The following RCAN2 variants were observed in gnomAD, a reference collection of about 807,000 sequenced individuals.
RCAN2 encodes regulator of calcineurin 2.
In RCAN2, 9 loss-of-function variants were observed where a neutral mutation model predicts 23.6. That is an observed-to-expected ratio of 0.38 (90% CI 0.23 to 0.67). RCAN2 has a LOEUF of 0.67. Ranked by LOEUF, RCAN2 falls within the 30% of genes least tolerant of loss-of-function variation. The pLI, the probability that RCAN2 is intolerant of heterozygous loss-of-function variation, is 0.51. For missense variants in RCAN2, 273 were observed against 302.3 expected (o/e 0.90, Z 0.72); for synonymous variants, 109 against 115.7 (o/e 0.94, Z 0.37).
chr6:46,361,324 G>A lies in RCAN2; in HGVS notation c.225+95428C>T, dbSNP rs1462919696. Among the ~76,000 whole-genome samples, 3 of 152,158 alleles carry A rather than the reference G, an allele frequency of 2.0e-5. No homozygotes were observed. In the East Asian group the frequency reaches 5.8e-4, roughly 29 times the overall value. ...AAGCCCAGCAGAGTAGCTAAAGATG[G>A]AGGAATCTGTAGTCACCTTTGACTC... On this transcript the variant is annotated intron_variant, in intron 2 of 4. Transcript: ENST00000371374.
At chr6:46,490,286 A>G (rs953102980) in intron 1 of RCAN2, among the ~76,000 whole-genome samples, 5 of 152,134 alleles carry the variant, frequency 3.3e-5, no homozygotes, top group Admixed American at 3.3e-4. Flanking sequence ...TATTAAAGGA[A>G]CCCCAGAAAC....
chr6:46,330,167 A>G (rs773630774), intron 2 of RCAN2, among the ~76,000 whole-genome samples: 1 of 152,212 alleles, frequency 6.6e-6, no homozygotes, highest in Admixed American at 6.5e-5. Flanking sequence ...CAAGGGGCCA[A>G]TCTTGCTTCC....
intron 2 of RCAN2, among the ~76,000 whole-genome samples, chr6:46,293,074 A>G (rs1295845828): frequency 6.6e-6 from 1 of 152,144 alleles, no homozygotes; most frequent in East Asian, 1.9e-4. Context: ...TAATGGTTGT[A>G]TAGTATTCCA....
chr6:46,354,354 C>A (rs1475461805), intron 2 of RCAN2, among the ~76,000 whole-genome samples: 3 of 151,916 alleles, frequency 2.0e-5, no homozygotes, highest in Admixed American at 6.6e-5. Context: ...GGAGCTGTGA[C>A]GTGTCCTGAC....
intron 2 of RCAN2, among the ~76,000 whole-genome samples, chr6:46,443,174 A>G (rs2150423856): frequency 6.6e-6 from 1 of 152,328 alleles, no homozygotes; most frequent in South Asian, 2.1e-4. Flanking sequence ...TGAAATTCCT[A>G]AGTATTCCTT....
intron 2 of RCAN2, among the ~76,000 whole-genome samples, chr6:46,338,847 T>C (rs956613345): frequency 1.3e-5 from 2 of 151,546 alleles, no homozygotes; most frequent in South Asian, 4.2e-4. Context: ...GCCCAGTCTC[T>C]AAAAAACATA....
intron 4 of RCAN2, among the ~76,000 whole-genome samples, chr6:46,242,354 A>C (rs1406770272): frequency 1.3e-5 from 2 of 152,156 alleles, no homozygotes; most frequent in African/African-American, 2.4e-5. Context: ...TTTGTTCTCC[A>C]TGAAAGGGTC....
chr6:46,425,199 A>T (rs1053983299), intron 2 of RCAN2, among the ~76,000 whole-genome samples: 3 of 152,208 alleles, frequency 2.0e-5, no homozygotes, highest in African/African-American at 7.2e-5. Flanking sequence ...TATTGAGGAC[A>T]CCAAAGTTCT....
chr6:46,346,682 T>C (rs896315339), intron 2 of RCAN2, among the ~76,000 whole-genome samples: 5 of 152,026 alleles, frequency 3.3e-5, no homozygotes, highest in Non-Finnish European at 7.4e-5. Flanking sequence ...CACATACATA[T>C]AAAAAGCCTG....
intron 4 of RCAN2, among the ~76,000 whole-genome samples, chr6:46,233,105 T>A (rs2150309265): frequency 6.6e-6 from 1 of 152,224 alleles, no homozygotes; most frequent in South Asian, 2.1e-4. Flanking sequence ...AGGTAAGGAA[T>A]CCTGGATGGC....
At chr6:46,316,986 A>G (rs1763461645) in intron 2 of RCAN2, among the ~76,000 whole-genome samples, 1 of 152,156 alleles carries the variant, frequency 6.6e-6, no homozygotes, top group African/African-American at 2.4e-5. Flanking sequence ...GAAAAAGCTG[A>G]GTTTTGTATA....
intron 4 of RCAN2, among the ~76,000 whole-genome samples, chr6:46,227,312 A>G (rs1381641871): frequency 1.3e-5 from 2 of 152,178 alleles, no homozygotes; most frequent in African/African-American, 4.8e-5. Context: ...AAAATTAGTT[A>G]GGGAGGATTC....
At chr6:46,440,272 A>C (rs1767498256) in intron 2 of RCAN2, among the ~76,000 whole-genome samples, 1 of 152,172 alleles carries the variant, frequency 6.6e-6, no homozygotes, top group Non-Finnish European at 1.5e-5. Flanking sequence ...CTTTTCTAAA[A>C]CCATGTGGAC....
At chr6:46,283,243 G>A (rs1030796553) in intron 2 of RCAN2, among the ~76,000 whole-genome samples, 1 of 152,146 alleles carries the variant, frequency 6.6e-6, no homozygotes, top group East Asian at 1.9e-4. Context: ...GAGCCCAGGA[G>A]TTCAAAACCA....
intron 4 of RCAN2, among the ~76,000 whole-genome samples, chr6:46,233,613 A>G (rs1452359183): frequency 6.6e-6 from 1 of 152,162 alleles, no homozygotes; most frequent in Non-Finnish European, 1.5e-5. Flanking sequence ...CCCTTTTTCC[A>G]TCTGTTAGCA....
chr6:46,297,979 T>G (rs1368416617), intron 2 of RCAN2, among the ~76,000 whole-genome samples: 1 of 152,104 alleles, frequency 6.6e-6, no homozygotes, highest in Admixed American at 6.6e-5. Flanking sequence ...TGAAACAAAT[T>G]TCACATGCTT....
intron 2 of RCAN2, among the ~76,000 whole-genome samples, chr6:46,341,130 G>A (rs894746921): frequency 1.3e-5 from 2 of 152,148 alleles, no homozygotes; most frequent in Admixed American, 1.3e-4. Context: ...TTTCAAATAA[G>A]TAAGAAATAA....
At chr6:46,265,143 C>A (rs1767279245) in intron 2 of RCAN2, among the ~76,000 whole-genome samples, 3 of 152,078 alleles carry the variant, frequency 2.0e-5, no homozygotes, top group African/African-American at 7.2e-5. Context: ...AATTCTTGTG[C>A]AATCCTGGAG....
Position 46,328,909 on chromosome 6 carries a change from G to A in RCAN2, c.226-80013C>T, listed in dbSNP as rs571824616. 2.9e-4 allele frequency among the ~76,000 whole-genome samples: 44 copies of A among 152,246 alleles called. No homozygotes were observed. In the South Asian group the frequency reaches 8.7e-3, roughly 30 times the overall value. On this transcript the variant is annotated intron_variant, in intron 2 of 4. Transcript: ENST00000371374. ...CAGGCTTGAACCACCACCCCTAGCCGAGAATGTGTTTTTTTATAGCTAGGG... is the reference window on the plus strand; with the variant it reads ...CAGGCTTGAACCACCACCCCTAGCCAAGAATGTGTTTTTTTATAGCTAGGG...
Sources: gnomAD v4.1 joint callset for allele counts (sites outside exome capture counted in the v4.1 genomes callset) on GRCh38, gnomAD v4.1.1 for gene constraint, MANE v1.5 for transcripts, NCBI Gene and HGNC (gene_info 2026-07-23, HGNC 2026-07-21) for gene names.